UTP4: variants seen among roughly 807,000 people sequenced by gnomAD.
UTP4 encodes the protein UTP4 small subunit processome component.
In UTP4, 45 loss-of-function variants were observed where a neutral mutation model predicts 82.4. That is an observed-to-expected ratio of 0.55 (90% confidence interval 0.43 to 0.70). UTP4 has a LOEUF of 0.70. UTP4 is among the 30% of genes least tolerant of loss of function. The pLI, the probability that UTP4 is intolerant of heterozygous loss-of-function variation, is 0.00. For synonymous variants in UTP4, 348 were observed against 300.3 expected (o/e 1.16, Z -1.64); for missense variants, 819 against 858.3 (o/e 0.95, Z 0.57).
rs1031276635 is a variant in UTP4 at position 69,162,436 on chromosome 16, G to A, written c.1552-647G>A. Among the ~76,000 whole-genome samples, 10 of 151,444 alleles carry A rather than the reference G, an allele frequency of 6.6e-5. No individual in the cohort carries two copies. In the East Asian group the frequency reaches 2.0e-3, roughly 30 times the overall value. On this transcript the variant is annotated intron_variant, in intron 13 of 16. Coordinates refer to ENST00000314423, the MANE Select transcript of UTP4 (RefSeq NM_032830.3). ...ACTAAAAATACAAAAATTAAGCCAG[G>A]TGCAGTGGTTCACGCCTATAATCCC...
chr16:69,165,572 A>G (rs771517529), intron 15 of UTP4, 46 bp downstream of exon 15: 2 of 1,516,302 alleles, frequency 1.3e-6, no homozygotes, highest in African/African-American at 1.4e-5. Context: ...TGAATCTTAA[A>G]GTTCTAAAAG....
chr16:69,133,623 G>A lies in UTP4; in HGVS notation c.159+5G>A. ...GCAAACTACTTTCAGGAGAAAGTAAGTCATTTGGGAGTCTGATATGGTGTT... is the reference window on the plus strand; with the variant it reads ...GCAAACTACTTTCAGGAGAAAGTAAATCATTTGGGAGTCTGATATGGTGTT... On this transcript the variant is annotated splice_donor_5th_base_variant and intron_variant, in intron 2 of 16. Coordinates refer to ENST00000314423, the MANE Select transcript of UTP4 (RefSeq NM_032830.3). 6.2e-7 allele frequency: 1 copy of A among 1,613,660 alleles called. No individual in the cohort carries two copies. Among genetic ancestry groups the A allele is most frequent in the Non-Finnish European group, 8.5e-7 (1 of 1,179,560 alleles).
chr16:69,154,962 C>T (rs1009051574), intron 10 of UTP4, among the ~76,000 whole-genome samples: 2 of 152,040 alleles, frequency 1.3e-5, no homozygotes, highest in African/African-American at 2.4e-5. Flanking sequence ...TCAGGTGATC[C>T]GCCCGCCTTG....
intron 2 of UTP4, among the ~76,000 whole-genome samples, chr16:69,135,189 A>G (rs1962780775): frequency 6.6e-6 from 1 of 152,066 alleles, no homozygotes; most frequent in African/African-American, 2.4e-5. Flanking sequence ...CATTCCCACC[A>G]TTTATCAAGC....
At chr16:69,165,239 C>A in intron 14 of UTP4, 102 bp from the exon 15 acceptor site, 2 of 948,262 alleles carry the variant, frequency 2.1e-6, no homozygotes, top group Non-Finnish European at 3.3e-6. Context: ...GAATATAATA[C>A]AGTTGAAGCT....
At chr16:69,164,805 G>T (rs937220315) in intron 14 of UTP4, among the ~76,000 whole-genome samples, 1 of 151,800 alleles carries the variant, frequency 6.6e-6, no homozygotes, top group Non-Finnish European at 1.5e-5. Flanking sequence ...GGGCATGACC[G>T]ATATATATGT....
rs1286712886 is a variant in UTP4, at chr16:69,149,729, A to AT, written c.739-799dup. ...AAACTTTTTTATTGGTGTTTCTTGC[A>AT]TTTTTTTTTCTTTTTTTAAGCCAGA... On this transcript the variant is annotated intron_variant, in intron 6 of 16. Coordinates refer to ENST00000314423, the MANE Select transcript of UTP4 (RefSeq NM_032830.3). 6.7e-4 allele frequency among the ~76,000 whole-genome samples: 101 copies of AT among 149,706 alleles called. 1 individual carries two copies. Among genetic ancestry groups the AT allele is most frequent in the African/African-American group, 1.8e-3 (73 of 40,758 alleles).
At chr16:69,137,042 A>G (rs1744328260) in intron 3 of UTP4, among the ~76,000 whole-genome samples, 155 bp downstream of exon 3, 1 of 152,246 alleles carries the variant, frequency 6.6e-6, no homozygotes, top group Non-Finnish European at 1.5e-5. Context: ...AAAAATCCCC[A>G]GCATTCTTTT....
Position 69,163,194 on chromosome 16 carries a change from G to T in UTP4, c.1647+16G>T. Reference sequence around the variant, plus strand: ...GGACCAGCAGGTAAGGGAGATTCCAGTGCTTTCTATTCCCTTCCTGCTGGA... The same window carrying T: ...GGACCAGCAGGTAAGGGAGATTCCATTGCTTTCTATTCCCTTCCTGCTGGA... On this transcript the variant is annotated intron_variant, in intron 14 of 16. Transcript: ENST00000314423. 5 of 1,591,232 alleles carry T rather than the reference G, an allele frequency of 3.1e-6. 1 individual carries two copies. Among genetic ancestry groups the T allele is most frequent in the African/African-American group, 2.7e-5 (2 of 74,572 alleles).
chr16:69,145,797 G>A (rs1014048778), intron 6 of UTP4, among the ~76,000 whole-genome samples: 2 of 152,100 alleles, frequency 1.3e-5, no homozygotes, highest in African/African-American at 4.8e-5. Flanking sequence ...TAAGGTTAAG[G>A]CAGTGTGGTG....
At chr16:69,160,189 A>G (rs1963527790) in intron 12 of UTP4, among the ~76,000 whole-genome samples, 167 bp from the exon 13 acceptor site, 1 of 152,196 alleles carries the variant, frequency 6.6e-6, no homozygotes, top group Non-Finnish European at 1.5e-5. Flanking sequence ...GTAGATGAAA[A>G]AAGTAGAAAC....
intron 13 of UTP4, among the ~76,000 whole-genome samples, chr16:69,162,088 C>G (rs942316551): frequency 6.6e-6 from 1 of 151,618 alleles, no homozygotes; most frequent in African/African-American, 2.4e-5. Flanking sequence ...CTGCCTCACC[C>G]TCCTGAGTAG....
intron 6 of UTP4, among the ~76,000 whole-genome samples, chr16:69,145,841 G>A (rs745953648): frequency 1.1e-4 from 16 of 152,052 alleles, no homozygotes; most frequent in South Asian, 2.1e-4. Context: ...CCAGATGGCC[G>A]TGTTTGTCAT....
chr16:69,165,551 A>G, intron 15 of UTP4, 25 bp downstream of exon 15: 2 of 1,594,346 alleles, frequency 1.3e-6, no homozygotes, highest in Non-Finnish European at 1.7e-6. Flanking sequence ...GCTACCTCCC[A>G]AATCTTCTTC....
At chr16:69,162,255 C>T (rs947732284) in intron 13 of UTP4, among the ~76,000 whole-genome samples, 1 of 151,870 alleles carries the variant, frequency 6.6e-6, no homozygotes, top group African/African-American at 2.4e-5. Flanking sequence ...GCATGAGCCA[C>T]TGCGCCCGGC....
intron 6 of UTP4, among the ~76,000 whole-genome samples, chr16:69,149,804 C>T (rs1195863323): frequency 6.6e-6 from 1 of 152,200 alleles, no homozygotes; most frequent in South Asian, 2.1e-4. Context: ...TCTTGGCGTA[C>T]TGCAACCTCT....
intron 6 of UTP4, among the ~76,000 whole-genome samples, chr16:69,146,858 C>T (rs1031358646): frequency 7.9e-5 from 12 of 151,460 alleles, no homozygotes; most frequent in Non-Finnish European, 1.8e-4. Context: ...AAAAAATTAG[C>T]CGGGTGTGGT....
In UTP4 at chr16:69,152,464, C is replaced by CTT. The variant is rs58914042; in HGVS notation, c.1003-1099_1003-1098dup. ...CCAGGCTCAGCTAATTTCTGTTTTT[C>CTT]TTTTTTTTTTTTTTTTTTTTTTGAG... On this transcript the variant is annotated intron_variant, in intron 8 of 16. Transcript: ENST00000314423. Among the ~76,000 whole-genome samples, 485 of 107,056 alleles carry CTT rather than the reference C, an allele frequency of 4.5e-3. 3 individuals carry two copies. Among genetic ancestry groups the CTT allele is most frequent in the African/African-American group, 5.9e-3 (172 of 29,086 alleles). 70.2% of individuals were successfully genotyped at this position (107,056 alleles called of 152,430 possible).
chr16:69,139,807 T>A lies in UTP4; in HGVS notation c.437-18T>A. 6.3e-7 allele frequency: 1 copy of A among 1,579,776 alleles called. No homozygotes were observed. The highest frequency in any genetic ancestry group is 2.2e-5 in the East Asian group (1 of 44,726). On this transcript the variant is annotated intron_variant, in intron 4 of 16. Transcript: ENST00000314423. ...TTATGTGTATGTCACTTTCTTTTTT[T>A]GTTGTCCAACTCCCAAGGTCGCATC...
Sources: allele counts gnomAD v4.1 joint callset (sites outside exome capture counted in the v4.1 genomes callset), GRCh38; gene constraint gnomAD v4.1.1; transcripts MANE v1.5; gene names NCBI Gene and HGNC (gene_info 2026-07-23, HGNC 2026-07-21).